The following SLC4A8 variants were observed in gnomAD, a reference collection of about 807,000 sequenced individuals.
SLC4A8 encodes solute carrier family 4 member 8.
Under a neutral mutation model 125.0 loss-of-function variants are expected in SLC4A8, and 40 were observed. That is an observed-to-expected ratio of 0.32 (90% CI 0.25 to 0.42). The LOEUF (loss-of-function observed/expected upper bound fraction) is 0.42, where lower values mean the gene tolerates loss of function less well. Ranked by LOEUF, SLC4A8 falls within the 10% of genes least tolerant of loss-of-function variation. The pLI is 1.00. For synonymous variants in SLC4A8, 456 were observed against 476.0 expected (o/e 0.96, Z 0.55); for missense variants, 863 against 1,355.1 (o/e 0.64, Z 5.70).
At position 51,474,643 on chromosome 12, in the gene SLC4A8, C is replaced by T. The variant is rs534491816; in HGVS notation, c.2010+196C>T. The T allele has an allele frequency of 9.4e-6, 9 of 958,492 alleles. No individual in the cohort carries two copies. The South Asian group carries it at 1.8e-4, about 19-fold the overall frequency. The allele number at this position is 958,492 out of a possible 1,614,324, so 59.4% of individuals were successfully genotyped here. A position where few individuals can be genotyped will look rare whatever the true frequency, so the allele number is the denominator to read the frequency against. ...TATGTTAAGGGAGAAGATTACCCTT[C>T]TCTTTTCTCCCCCCTACATCCTACC... On this transcript the variant is annotated intron_variant, in intron 15 of 24. Coordinates refer to ENST00000453097, the MANE Select transcript of SLC4A8 (RefSeq NM_001039960.3).
intron 1 of SLC4A8, among the ~76,000 whole-genome samples, chr12:51,395,510 G>A (rs1948241229): frequency 6.6e-6 from 1 of 152,194 alleles, no homozygotes; most frequent in Admixed American, 6.5e-5. Context: ...AGCTCTGTGA[G>A]GCCGTTGACA....
At chr12:51,443,720 CA>C (rs1244095596) in intron 2 of SLC4A8, among the ~76,000 whole-genome samples, 1 of 152,190 alleles carries the variant, frequency 6.6e-6, no homozygotes, top group Non-Finnish European at 1.5e-5. Flanking sequence ...ATCTGCTCGA[CA>C]TGTGAGATTC....
chr12:51,435,059 G>A (rs759700638), intron 1 of SLC4A8, among the ~76,000 whole-genome samples: 1 of 152,148 alleles, frequency 6.6e-6, no homozygotes, highest in Non-Finnish European at 1.5e-5. Context: ...TTCCCATGGT[G>A]TTGTTTTTCA....
chr12:51,433,999 A>G lies in SLC4A8; in HGVS notation c.49-6709A>G, dbSNP rs374718779. 8.6e-5 allele frequency among the ~76,000 whole-genome samples: 13 copies of G among 151,812 alleles called. No individual in the cohort carries two copies. In the East Asian group the frequency reaches 2.1e-3, roughly 25 times the overall value. On this transcript the variant is annotated intron_variant, in intron 1 of 24. Transcript: ENST00000453097. ...GAGCAATTCTTCCACCTGAGCCTCC[A>G]GAGTAGCTGGGACTACAAGCCCATA...
chr12:51,424,050 AAAAC>A (rs1565762092), upstream of SLC4A8, among the ~76,000 whole-genome samples: 7,759 of 69,752 alleles, frequency 0.11, 476 homozygotes, highest in East Asian at 0.28. Context: ...AAAAAAAAAA[AAAAC>A]AAAAAAAACA....
chr12:51,457,586 G>A, intron 6 of SLC4A8, 47 bp downstream of exon 6: 1 of 1,542,140 alleles, frequency 6.5e-7, no homozygotes, highest in Non-Finnish European at 8.8e-7. Flanking sequence ...AAGACATTGG[G>A]AACTAGTTGG....
At chr12:51,444,922 A>T (rs1054436154) in intron 2 of SLC4A8, among the ~76,000 whole-genome samples, 1 of 152,234 alleles carries the variant, frequency 6.6e-6, no homozygotes, top group Non-Finnish European at 1.5e-5. Context: ...GTATACCAGC[A>T]TGAGCCCAGT....
intron 1 of SLC4A8, among the ~76,000 whole-genome samples, chr12:51,419,765 T>A (rs1430069292): frequency 6.6e-6 from 1 of 152,248 alleles, no homozygotes; most frequent in Non-Finnish European, 1.5e-5. Flanking sequence ...AAGTCAGGTT[T>A]TGCCATTTCA....
chr12:51,504,738 AG>A (rs1454182773), intron 23 of SLC4A8, among the ~76,000 whole-genome samples: 2 of 152,192 alleles, frequency 1.3e-5, no homozygotes, highest in Non-Finnish European at 2.9e-5. Context: ...TCTGGGAGCA[AG>A]GGGGAATTGA....
chr12:51,411,269 A>G (rs1327630242), intron 1 of SLC4A8, among the ~76,000 whole-genome samples: 1 of 151,984 alleles, frequency 6.6e-6, no homozygotes, highest in African/African-American at 2.4e-5. Flanking sequence ...TTCTAATTTA[A>G]TAATTTCTAC....
At chr12:51,438,787 T>G (rs936860735) in intron 1 of SLC4A8, among the ~76,000 whole-genome samples, 6 of 152,208 alleles carry the variant, frequency 3.9e-5, no homozygotes, top group African/African-American at 1.4e-4. Context: ...TTGCCAGCAT[T>G]TGTTATATTT....
chr12:51,392,571 CAAAAAAAA>C (rs35992841), intron 1 of SLC4A8, among the ~76,000 whole-genome samples: 10 of 119,226 alleles, frequency 8.4e-5, no homozygotes, highest in African/African-American at 3.3e-4. Context: ...GATTCCGTAT[CAAAAAAAA>C]AAAAAAAGAA....
At chr12:51,452,967 C>T (rs1178319309) in intron 4 of SLC4A8, among the ~76,000 whole-genome samples, 1 of 152,154 alleles carries the variant, frequency 6.6e-6, no homozygotes, top group African/African-American at 2.4e-5. Flanking sequence ...TTGCTGGGTG[C>T]CTGCTGTATT....
chr12:51,434,396 A>T (rs908184163), intron 1 of SLC4A8, among the ~76,000 whole-genome samples: 12 of 152,196 alleles, frequency 7.9e-5, no homozygotes, highest in Non-Finnish European at 1.3e-4. Flanking sequence ...GTAGTTTTTT[A>T]AAAAATACTT....
intron 11 of SLC4A8, among the ~76,000 whole-genome samples, chr12:51,468,644 C>T (rs1950596990): frequency 6.6e-6 from 1 of 152,134 alleles, no homozygotes; most frequent in African/African-American, 2.4e-5. Flanking sequence ...CCTGCAGTCC[C>T]AGCTACTCGG....
chr12:51,408,398 T>G (rs1948533529), intron 1 of SLC4A8, among the ~76,000 whole-genome samples: 1 of 151,942 alleles, frequency 6.6e-6, no homozygotes, highest in Admixed American at 6.6e-5. Context: ...CCCAGCTAAT[T>G]TTTTGTATTT....
At position 51,510,329 on chromosome 12, in the gene SLC4A8, A is replaced by G. The variant is rs1346291056; in HGVS notation, c.*2891A>G. 2 of 148,860 alleles carry G rather than the reference A, an allele frequency of 1.3e-5. No individual in the cohort carries two copies. The highest frequency in any genetic ancestry group is 5.0e-5 in the African/African-American group (2 of 40,388). 9.2% of individuals were successfully genotyped at this position (148,860 alleles called of 1,614,324 possible). A position where few individuals can be genotyped will look rare whatever the true frequency, so the allele number is the denominator to read the frequency against. ...GTAGTCCCAGCTATTCAGGAGGCTG[A>G]GGCAGAATGGCGTGAACGCGGGAGG... On this transcript the variant is annotated 3_prime_UTR_variant, in exon 25 of 25. Transcript: ENST00000453097.
intron 1 of SLC4A8, among the ~76,000 whole-genome samples, chr12:51,398,791 G>A (rs753979535): frequency 3.3e-5 from 5 of 152,080 alleles, no homozygotes; most frequent in Non-Finnish European, 4.4e-5. Context: ...GCTCTGTCGC[G>A]CAGTCTGGAG....
At chr12:51,435,243 A>C (rs1949365451) in intron 1 of SLC4A8, among the ~76,000 whole-genome samples, 1 of 152,164 alleles carries the variant, frequency 6.6e-6, no homozygotes, top group Admixed American at 6.5e-5. Context: ...GCTGTTGAAA[A>C]TCAGTACAAT....
Sources: allele counts gnomAD v4.1 joint callset (sites outside exome capture counted in the v4.1 genomes callset), GRCh38; gene constraint gnomAD v4.1.1; transcripts MANE v1.5; gene names NCBI Gene and HGNC (gene_info 2026-07-23, HGNC 2026-07-21).